Variants in MALT1 observed in about 807,000 individuals in gnomAD.
MALT1 encodes mucosa-associated lymphoid tissue lymphoma translocation protein 1.
A neutral mutation model predicts 85.5 loss-of-function variants in MALT1; 36 were observed. That is an observed-to-expected ratio of 0.42 (90% CI 0.32 to 0.56). The LOEUF (loss-of-function observed/expected upper bound fraction) is 0.56, where lower values mean the gene tolerates loss of function less well. Ranked by LOEUF, MALT1 falls within the 20% of genes least tolerant of loss-of-function variation. The pLI is 0.10. For missense variants in MALT1, 716 were observed against 981.6 expected (o/e 0.73, Z 3.62); for synonymous variants, 359 against 361.3 (o/e 0.99, Z 0.07).
At chr18:58,702,291 T>TGAGGATCACTCAAGCCCGGGAG (rs1486783485) in intron 4 of MALT1, among the ~76,000 whole-genome samples, 2 of 148,824 alleles carry the variant, frequency 1.3e-5, no homozygotes, top group Non-Finnish European at 3.0e-5. Context: ...GGCTGAGGTG[T>TGAGGATCACTCAAGCCCGGGAG]GAGGATCACT....
intron 1 of MALT1, among the ~76,000 whole-genome samples, chr18:58,679,343 A>G (rs573877445): frequency 3.1e-4 from 47 of 152,396 alleles, no homozygotes; most frequent in African/African-American, 6.0e-4. Context: ...AGAGGGCCCA[A>G]TGGTAAATAT....
chr18:58,719,426 C>T (rs1162539678), intron 9 of MALT1, among the ~76,000 whole-genome samples: 1 of 152,048 alleles, frequency 6.6e-6, no homozygotes, highest in Non-Finnish European at 1.5e-5. Context: ...TCTTTCTCTT[C>T]GTTTCCCTCT....
intron 13 of MALT1, 79 bp downstream of exon 13, chr18:58,735,408 G>A: frequency 1.4e-6 from 2 of 1,453,264 alleles, no homozygotes; most frequent in South Asian, 2.8e-5. Flanking sequence ...TCCCTCTCTG[G>A]TGATTGTTTT....
chr18:58,719,325 CTCTCTT>C (rs145988891), intron 9 of MALT1, among the ~76,000 whole-genome samples: 19,885 of 151,780 alleles, frequency 0.13, 2,339 homozygotes, highest in African/African-American at 0.31. Context: ...CCCTCTCTCT[CTCTCTT>C]TCTCTTCCTC....
Position 58,679,584 on chromosome 18 carries a change from C to T in MALT1, c.210-1586C>T, listed in dbSNP as rs148561387. ...CTTTCTTTTTTTTAAGACCGAGTCT[C>T]GATCTGTCGCCCAAGCTGGAGTGCA... is the stretch of plus-strand genomic sequence containing the variant. On this transcript the variant is annotated intron_variant, in intron 1 of 16. Transcript: ENST00000649217. 1.2e-3 allele frequency among the ~76,000 whole-genome samples: 188 copies of T among 152,288 alleles called. 3 individuals are homozygous for T. The highest frequency in any genetic ancestry group is 4.0e-3 in the African/African-American group (167 of 41,554).
rs143910917 is a variant in MALT1, at chr18:58,682,822, A to G, written c.376+1486A>G. On this transcript the variant is annotated intron_variant, in intron 2 of 16. Coordinates refer to ENST00000649217, the MANE Select transcript of MALT1 (RefSeq NM_006785.4). ...ATAAATAAGGAGACTTGGACTCCCAATCATCCCCTGCTTTACAAGGCCCTC... is the reference window on the plus strand; with the variant it reads ...ATAAATAAGGAGACTTGGACTCCCAGTCATCCCCTGCTTTACAAGGCCCTC... 4.6e-3 allele frequency among the ~76,000 whole-genome samples: 702 copies of G among 152,346 alleles called. 6 individuals carry two copies. Among genetic ancestry groups the G allele is most frequent in the Middle Eastern group, 0.041 (12 of 294 alleles).
intron 10 of MALT1, among the ~76,000 whole-genome samples, chr18:58,727,706 G>A (rs1376945011): frequency 6.7e-6 from 1 of 148,310 alleles, no homozygotes; most frequent in African/African-American, 2.5e-5. Context: ...CCAGTGCACT[G>A]ACATTTTACG....
intron 4 of MALT1, among the ~76,000 whole-genome samples, chr18:58,705,693 A>G (rs1309468618): frequency 6.6e-6 from 1 of 151,190 alleles, no homozygotes; most frequent in Non-Finnish European, 1.5e-5. Context: ...CATGGTGTAT[A>G]TGTGCCACAT....
intron 1 of MALT1, among the ~76,000 whole-genome samples, chr18:58,675,905 C>T (rs1051382359): frequency 1.3e-5 from 2 of 152,206 alleles, no homozygotes; most frequent in Non-Finnish European, 2.9e-5. Context: ...AAATTTAACA[C>T]GTCTTCCCTT....
At chr18:58,681,141 T>C in intron 1 of MALT1, 29 bp from the exon 2 acceptor site, 1 of 1,608,146 alleles carries the variant, frequency 6.2e-7, no homozygotes, top group South Asian at 1.1e-5. Flanking sequence ...AAGAAAGCTG[T>C]TGACTTGAAT....
At chr18:58,709,918 T>C in intron 5 of MALT1, 58 bp from the exon 6 acceptor site, 2 of 1,122,406 alleles carry the variant, frequency 1.8e-6, no homozygotes, top group Non-Finnish European at 2.7e-6. Flanking sequence ...AAAATGATTT[T>C]TTCTCCAAGC....
chr18:58,709,386 G>A lies in MALT1; in HGVS notation c.658G>A (p.Asp220Asn). 1 of 1,581,030 alleles carries A rather than the reference G, an allele frequency of 6.3e-7. No homozygotes were observed. Among genetic ancestry groups the A allele is most frequent in the South Asian group, 1.2e-5 (1 of 84,250 alleles). The stretch of plus-strand genomic sequence containing the variant: ...TTTTCTTTTAATTTAAGGAAGTGTT[G>A]ATGGCGTCTCTGAATCCAAGTTGCA... ...DIPESFQRSV[D>N]GVSESKLQIC... The change falls in exon 5 of 17, where the codon GAT becomes AAT. Residue 220 changes from aspartate (D) to asparagine (N), a missense_variant. Physicochemically the swap from Asp to Asn is conservative, Grantham distance 23 (BLOSUM62 1). This residue lies in a region of MALT1 where 290 missense variants were observed against 380.5 expected (regional missense o/e 0.76). Transcript: ENST00000649217.
At chr18:58,678,369 T>C (rs893279848) in intron 1 of MALT1, among the ~76,000 whole-genome samples, 2 of 152,232 alleles carry the variant, frequency 1.3e-5, no homozygotes, top group South Asian at 2.1e-4. Context: ...TTGACAATTA[T>C]GATTGAAATT....
rs2055423115 is a variant in MALT1, at chr18:58,749,848, A to G, written c.*2006A>G. The G allele has an allele frequency of 4.8e-6, 1 of 209,934 alleles. No homozygotes were observed. The highest frequency in any genetic ancestry group is 7.2e-5 in the East Asian group (1 of 13,836). 13.0% of individuals were successfully genotyped at this position (209,934 alleles called of 1,614,324 possible). ...CTATGAAAAGCCCACACCTAACATT[A>G]TACTTCATGGTGATAGACTGAAGGC... On this transcript the variant is annotated 3_prime_UTR_variant, in exon 17 of 17. Transcript: ENST00000649217.
chr18:58,702,220 C>A (rs1023742853), intron 4 of MALT1, among the ~76,000 whole-genome samples: 268 of 114,400 alleles, frequency 2.3e-3, no homozygotes, highest in Non-Finnish European at 2.5e-3. Context: ...AAAAAAAATG[C>A]AAAAAAAAAA....
At chr18:58,683,710 G>A (rs1316792793) in intron 2 of MALT1, among the ~76,000 whole-genome samples, 1 of 152,010 alleles carries the variant, frequency 6.6e-6, no homozygotes, top group Non-Finnish European at 1.5e-5. Flanking sequence ...TTTGCTCTTT[G>A]TGTTTTTCTC....
At position 58,747,880 on chromosome 18, in the gene MALT1, C is replaced by A. The variant is rs2055392664; in HGVS notation, c.*38C>A. ...TGAAAGTTAGCATAATTTTAGATGC[C>A]TGTGAAATAGTACTGCACTTACATA... On this transcript the variant is annotated 3_prime_UTR_variant, in exon 17 of 17. Transcript: ENST00000649217. 3 of 1,529,544 alleles carry A rather than the reference C, an allele frequency of 2.0e-6. No homozygotes were observed. Among genetic ancestry groups the A allele is most frequent in the Non-Finnish European group, 2.7e-6 (3 of 1,112,964 alleles). 94.7% of individuals were successfully genotyped at this position (1,529,544 alleles called of 1,614,324 possible). A position where few individuals can be genotyped will look rare whatever the true frequency, so the allele number is the denominator to read the frequency against.
intron 4 of MALT1, among the ~76,000 whole-genome samples, chr18:58,703,829 T>A (rs775138165): frequency 1.1e-4 from 16 of 152,252 alleles, no homozygotes; most frequent in Non-Finnish European, 2.1e-4. Context: ...GGGTAATTTA[T>A]ATACAGTACA....
chr18:58,747,318 G>C, intron 16 of MALT1, 87 bp from the exon 17 acceptor site: 1 of 814,638 alleles, frequency 1.2e-6, no homozygotes, highest in East Asian at 2.5e-5. Flanking sequence ...GATTTTTGGG[G>C]GTGGGGGTGT....
Sources: allele counts gnomAD v4.1 joint callset (sites outside exome capture counted in the v4.1 genomes callset), GRCh38; gene constraint gnomAD v4.1.1; regional missense constraint gnomAD v4.1.1; transcripts MANE v1.5; gene names NCBI Gene and HGNC (gene_info 2026-07-23, HGNC 2026-07-21).